The following ITPRID2 variants were observed in gnomAD, a reference collection of about 807,000 sequenced individuals.
The protein encoded by ITPRID2 is ITPR interacting domain containing 2, also known as protein ITPRID2.
A neutral mutation model predicts 124.3 loss-of-function variants in ITPRID2; 60 were observed. That is an observed-to-expected ratio of 0.48 (90% CI 0.39 to 0.60). ITPRID2 has a LOEUF of 0.60. Ranked by LOEUF, ITPRID2 falls within the 20% of genes least tolerant of loss-of-function variation. ITPRID2 has a pLI of 0.00. For synonymous variants in ITPRID2, 521 were observed against 542.9 expected (o/e 0.96, Z 0.56); for missense variants, 1,553 against 1,512.2 (o/e 1.03, Z -0.45).
intron 2 of ITPRID2, chr2:181,893,200 T>G (rs1691907006): frequency 6.3e-6 from 1 of 158,276 alleles, no homozygotes; most frequent in Non-Finnish European, 1.4e-5. Flanking sequence ...TCTCAGGGAA[T>G]AGAACTTTTA....
chr2:181,892,756 G>C lies in ITPRID2; in HGVS notation c.257+96G>C. 6.8e-7 allele frequency: 1 copy of C among 1,460,952 alleles called. No individual in the cohort carries two copies. The allele number at this position is 1,460,952 out of a possible 1,614,324, so 90.5% of individuals were successfully genotyped here. On this transcript the variant is annotated intron_variant, in intron 2 of 17. Coordinates refer to ENST00000431877, the MANE Select transcript of ITPRID2 (RefSeq NM_001130445.3). This position sits in a 1 kb window ranked among gnomAD's most constrained non-coding sequence, Gnocchi z 5.2. ...CGGGCCGCGTCCCTGTGGGTCCCGC[G>C]ACCGTTGTAAGCTACAAACCGGAAA...
Position 181,919,965 on chromosome 2 carries a change from A to G in ITPRID2, c.3144+519A>G, listed in dbSNP as rs1024967934. ...TACATATATGTATTTTCCTAAATATATAGATATATATCCAAGAGAATAAAA... is the reference window on the plus strand; with the variant it reads ...TACATATATGTATTTTCCTAAATATGTAGATATATATCCAAGAGAATAAAA... On this transcript the variant is annotated intron_variant, in intron 14 of 17. Coordinates refer to ENST00000431877, the MANE Select transcript of ITPRID2 (RefSeq NM_001130445.3). The surrounding 1 kb of genome is among the most constrained non-coding windows in gnomAD (Gnocchi z 4.2). Among the ~76,000 whole-genome samples, 3 of 152,280 alleles carry G rather than the reference A, an allele frequency of 2.0e-5. No individual in the cohort carries two copies. The highest frequency in any genetic ancestry group is 2.9e-5 in the Non-Finnish European group (2 of 67,996).
In ITPRID2 at chr2:181,913,882, C is replaced by T. The variant is rs1693825496; in HGVS notation, c.1524C>T (p.Ser508=). ...GTACTGCAAGTCAGCATTCCGATAGCAGTGGTTTTGCTGAAGATTCTACAG... is the reference window on the plus strand; with the variant it reads ...GTACTGCAAGTCAGCATTCCGATAGTAGTGGTTTTGCTGAAGATTCTACAG... ...LLRTASQHSD[S]SGFAEDSTDC... Residue 508 remains serine, a synonymous_variant, in exon 10 of 18, where the codon AGC becomes AGT. Coordinates refer to ENST00000431877, the MANE Select transcript of ITPRID2 (RefSeq NM_001130445.3). 1 of 1,613,438 alleles carries T rather than the reference C, an allele frequency of 6.2e-7. No individual in the cohort carries two copies. Among genetic ancestry groups the T allele is most frequent in the Non-Finnish European group, 8.5e-7 (1 of 1,179,738 alleles).
At chr2:181,899,870 G>A (rs925320677) in intron 6 of ITPRID2, among the ~76,000 whole-genome samples, 1 of 152,008 alleles carries the variant, frequency 6.6e-6, no homozygotes, top group African/African-American at 2.4e-5. Context: ...CCCCTCTCCC[G>A]CCCGCACATA....
In ITPRID2 at chr2:181,892,281, G is replaced by A; in HGVS notation, c.211+4G>A. 6.5e-7 allele frequency: 1 copy of A among 1,544,102 alleles called. No homozygotes were observed. ...CTGCCGGCAGCGGGGGGAAGAGGTC[G>A]GTGCTCCCGGCCGGGCTCCGGGGGG... On this transcript the variant is annotated splice_donor_region_variant and intron_variant, in intron 1 of 17. Coordinates refer to ENST00000431877, the MANE Select transcript of ITPRID2 (RefSeq NM_001130445.3). This position sits in a 1 kb window ranked among gnomAD's most constrained non-coding sequence, Gnocchi z 5.2.
intron 10 of ITPRID2, 41 bp downstream of exon 10, chr2:181,913,974 T>C: frequency 7.3e-7 from 1 of 1,369,462 alleles, no homozygotes; most frequent in South Asian, 1.2e-5. Context: ...ATTAACTTCC[T>C]CATTTTAAGG....
Position 181,916,440 on chromosome 2 carries a change from GTATGT to G in ITPRID2, c.2787+17_2787+21del. The G allele has an allele frequency of 6.2e-7, 1 of 1,604,980 alleles. No individual in the cohort carries two copies. Among genetic ancestry groups the G allele is most frequent in the African/African-American group, 1.3e-5 (1 of 74,744 alleles). On this transcript the variant is annotated intron_variant, in intron 11 of 17. Coordinates refer to ENST00000431877, the MANE Select transcript of ITPRID2 (RefSeq NM_001130445.3). ...GAATCTTTCACAGGTATGAGAAAAA[GTATGT>G]TATCATTAGCTTTTTTCTTTTACTG...
Position 181,892,289 on chromosome 2 carries a change from C to T in ITPRID2, c.211+12C>T, listed in dbSNP as rs1015733151. The T allele has an allele frequency of 6.5e-7, 1 of 1,540,190 alleles. No homozygotes were observed. The highest frequency in any genetic ancestry group is 8.8e-7 in the Non-Finnish European group (1 of 1,142,382). On this transcript the variant is annotated intron_variant, in intron 1 of 17. Coordinates refer to ENST00000431877, the MANE Select transcript of ITPRID2 (RefSeq NM_001130445.3). The surrounding 1 kb of genome is among the most constrained non-coding windows in gnomAD (Gnocchi z 5.2). The stretch of plus-strand genomic sequence containing the variant: ...AGCGGGGGGAAGAGGTCGGTGCTCC[C>T]GGCCGGGCTCCGGGGGGAGGCTGGT...
chr2:181,914,764 C>T (rs187745303), intron 10 of ITPRID2, among the ~76,000 whole-genome samples: 52 of 152,222 alleles, frequency 3.4e-4, no homozygotes, highest in Non-Finnish European at 6.2e-4. Flanking sequence ...CAGAAAAATC[C>T]GGGCTGAAAC....
chr2:181,900,836 A>T lies in ITPRID2; in HGVS notation c.644A>T (p.Asp215Val), dbSNP rs748694532. The T allele has an allele frequency of 6.2e-7, 1 of 1,613,244 alleles. No individual in the cohort carries two copies. Among genetic ancestry groups the T allele is most frequent in the Non-Finnish European group, 8.5e-7 (1 of 1,179,614 alleles). Residue 215 changes from aspartate (D) to valine (V), a missense_variant, in exon 7 of 18, where the codon GAT (aspartate) becomes GTT (valine). Coordinates refer to ENST00000431877, the MANE Select transcript of ITPRID2 (RefSeq NM_001130445.3). The part of the protein sequence containing the change: ...FNSSSFAKGI[D>V]IKVFLSAQMQ... ...TCATCATCCTTTGCCAAAGGGATAG[A>T]TATTAAAGTATTTTTGAGTGCTCAG...
At chr2:181,908,068 T>A (rs1693293059) in intron 8 of ITPRID2, among the ~76,000 whole-genome samples, 1 of 152,206 alleles carries the variant, frequency 6.6e-6, no homozygotes, top group Non-Finnish European at 1.5e-5. Flanking sequence ...TATGTGATAA[T>A]TCTGTGTTTA....
At chr2:181,926,271 A>G (rs1200104699) in intron 16 of ITPRID2, among the ~76,000 whole-genome samples, 1 of 152,172 alleles carries the variant, frequency 6.6e-6, no homozygotes, top group East Asian at 1.9e-4. Context: ...CACAAAAATA[A>G]ATAAATAAGA....
Position 181,902,885 on chromosome 2 carries a change from T to C in ITPRID2, c.1413+419T>C, listed in dbSNP as rs1011287456. On this transcript the variant is annotated intron_variant, in intron 8 of 17. Coordinates refer to ENST00000431877, the MANE Select transcript of ITPRID2 (RefSeq NM_001130445.3). This position sits in a 1 kb window ranked among gnomAD's most constrained non-coding sequence, Gnocchi z 4.4. ...GCCTTTGGGCAAGCTTTTCTTAACA[T>C]ATCTCAGTGGTAAGGATATGTGAAG... Among the ~76,000 whole-genome samples, 2 of 152,220 alleles carry C rather than the reference T, an allele frequency of 1.3e-5. No homozygotes were observed. The highest frequency in any genetic ancestry group is 2.9e-5 in the Non-Finnish European group (2 of 68,028).
At chr2:181,898,459 A>G (rs1248968527) in intron 4 of ITPRID2, among the ~76,000 whole-genome samples, 3 of 152,084 alleles carry the variant, frequency 2.0e-5, no homozygotes, top group Admixed American at 6.5e-5. Flanking sequence ...AGAAACTGAC[A>G]TATACTATTG....
At position 181,919,622 on chromosome 2, in the gene ITPRID2, A is replaced by G. The variant is rs928975214; in HGVS notation, c.3144+176A>G. 1.3e-5 allele frequency among the ~76,000 whole-genome samples: 2 copies of G among 152,236 alleles called. No homozygotes were observed. Among genetic ancestry groups the G allele is most frequent in the Non-Finnish European group, 2.9e-5 (2 of 68,046 alleles). ...GAATGTACAATTTGTAATAATTGTC[A>G]TAAATAGTATATTTAGAAATATGTT... is the stretch of plus-strand genomic sequence containing the variant. On this transcript the variant is annotated intron_variant, in intron 14 of 17. Coordinates refer to ENST00000431877, the MANE Select transcript of ITPRID2 (RefSeq NM_001130445.3). This position sits in a 1 kb window ranked among gnomAD's most constrained non-coding sequence, Gnocchi z 4.2.
rs1464293604 is a variant in ITPRID2 at position 181,907,497 on chromosome 2, A to G, written c.1414-2402A>G. Among the ~76,000 whole-genome samples, 1 of 151,800 alleles carries G rather than the reference A, an allele frequency of 6.6e-6. No individual in the cohort carries two copies. Among genetic ancestry groups the G allele is most frequent in the Non-Finnish European group, 1.5e-5 (1 of 67,974 alleles). ...ACAGTTTTGTTATGAAAAGTTTCAAACTTACTTGAAGATTAGAGAAAATAA... is the reference window on the plus strand; with the variant it reads ...ACAGTTTTGTTATGAAAAGTTTCAAGCTTACTTGAAGATTAGAGAAAATAA... On this transcript the variant is annotated intron_variant, in intron 8 of 17. Coordinates refer to ENST00000431877, the MANE Select transcript of ITPRID2 (RefSeq NM_001130445.3). The surrounding 1 kb of genome is among the most constrained non-coding windows in gnomAD (Gnocchi z 5.1).
At chr2:181,924,457 T>C (rs1028938170) in intron 16 of ITPRID2, among the ~76,000 whole-genome samples, 1 of 152,228 alleles carries the variant, frequency 6.6e-6, no homozygotes, top group Non-Finnish European at 1.5e-5. Flanking sequence ...AAAATTAAAT[T>C]AGATTCTGTC....
chr2:181,901,133 A>G (rs1275661548), intron 7 of ITPRID2, among the ~76,000 whole-genome samples: 2 of 152,320 alleles, frequency 1.3e-5, no homozygotes, highest in East Asian at 1.9e-4. Flanking sequence ...AAGTGCTACC[A>G]TAACTTATTT....
rs1312053335 is a variant in ITPRID2, at chr2:181,892,019, T to C, written c.-48T>C. ...AAGGGCGGGGGTCCCTGCCGCCGCCTTGTCTCGCGCAGGGTCCGGCTGGGG... is the reference window on the plus strand; with the variant it reads ...AAGGGCGGGGGTCCCTGCCGCCGCCCTGTCTCGCGCAGGGTCCGGCTGGGG... On this transcript the variant is annotated 5_prime_UTR_variant, in exon 1 of 18. Coordinates refer to ENST00000431877, the MANE Select transcript of ITPRID2 (RefSeq NM_001130445.3). The surrounding 1 kb of genome is among the most constrained non-coding windows in gnomAD (Gnocchi z 5.2). 1 of 1,525,766 alleles carries C rather than the reference T, an allele frequency of 6.6e-7. No individual in the cohort carries two copies. The highest frequency in any genetic ancestry group is 8.8e-7 in the Non-Finnish European group (1 of 1,132,226). The allele number at this position is 1,525,766 out of a possible 1,614,324, so 94.5% of individuals were successfully genotyped here.
Sources: gnomAD v4.1 joint callset for allele counts (sites outside exome capture counted in the v4.1 genomes callset) on GRCh38, gnomAD v4.1.1 for gene constraint, Gnocchi (gnomAD v3.1) non-coding constraint, MANE v1.5 for transcripts, NCBI Gene and HGNC (gene_info 2026-07-23, HGNC 2026-07-21) for gene names.